PRPF40B: variants seen among roughly 807,000 people sequenced by gnomAD.
The protein encoded by PRPF40B is pre-mRNA-processing factor 40 homolog B.
A neutral mutation model predicts 124.5 loss-of-function variants in PRPF40B; 56 were observed. The observed-to-expected ratio is 0.45, with a 90% CI of 0.36 to 0.56. PRPF40B has a LOEUF of 0.56. PRPF40B is among the 20% of genes least tolerant of loss of function. The pLI, the probability that PRPF40B is intolerant of heterozygous loss-of-function variation, is 0.00. For synonymous variants in PRPF40B, 443 were observed against 426.4 expected (o/e 1.04, Z -0.48); for missense variants, 1,053 against 1,169.5 (o/e 0.90, Z 1.45).
intron 18 of PRPF40B, chr12:49,640,673 T>C (rs1592613185): frequency 1.3e-5 from 2 of 152,216 alleles, no homozygotes; most frequent in South Asian, 4.1e-4. Flanking sequence ...TCAGGGATAA[T>C]TCATAGGTAA....
In PRPF40B at chr12:49,642,847, G is replaced by C; in HGVS notation, c.2119-83G>C. 2.0e-6 allele frequency: 3 copies of C among 1,499,478 alleles called. No individual in the cohort carries two copies. The South Asian group carries it at 3.6e-5, about 18-fold the overall frequency. The allele number at this position is 1,499,478 out of a possible 1,614,324, so 92.9% of individuals were successfully genotyped here. On this transcript the variant is annotated intron_variant, in intron 21 of 25. Coordinates refer to ENST00000548825, the MANE Select transcript of PRPF40B (RefSeq NM_001031698.3). This position sits in a 1 kb window ranked among gnomAD's most constrained non-coding sequence, Gnocchi z 5.8. ...GAAGGCTCTAGTCTGAGAAAGGGAG[G>C]CAAAGCCAGATTTTAGGAAGTAGGA...
chr12:49,644,128 T>G lies in PRPF40B; in HGVS notation c.2615T>G (p.Leu872Arg). 6.2e-7 allele frequency: 1 copy of G among 1,614,070 alleles called. No homozygotes were observed. The highest frequency in any genetic ancestry group is 1.1e-5 in the South Asian group (1 of 91,078). The change falls in exon 26 of 26, where the codon CTG becomes CGG. Residue 872 changes from leucine to arginine, a missense_variant. Physicochemically the swap from Leu to Arg is moderately radical, Grantham distance 102 (BLOSUM62 -2). Coordinates refer to ENST00000548825, the MANE Select transcript of PRPF40B (RefSeq NM_001031698.3). ...GGCTGGGACACGTCAGAAAGTGAGCTGAGTGAGGGTGAGCTGGAGAGGCGG... is the reference window on the plus strand; with the variant it reads ...GGCTGGGACACGTCAGAAAGTGAGCGGAGTGAGGGTGAGCTGGAGAGGCGG... ...KTGWDTSESE[L>R]SEGELERRRR...
chr12:49,643,920 A>G lies in PRPF40B; in HGVS notation c.2502A>G (p.Lys834=). The G allele has an allele frequency of 4.3e-6, 7 of 1,614,252 alleles. No individual in the cohort carries two copies. The highest frequency in any genetic ancestry group is 5.9e-6 in the Non-Finnish European group (7 of 1,180,046). ...EEKAGKESDE[K]EQEQDKDREL... is the part of the protein sequence containing the mutation. ...AAGCTGGCAAGGAGAGCGATGAGAA[A>G]GAACAAGAACAGGACAAGGACAGGG... Residue 834 remains lysine (K), a synonymous_variant, in exon 25 of 26, where the codon AAA becomes AAG. Transcript: ENST00000548825.
chr12:49,632,577 C>T lies in PRPF40B; in HGVS notation c.295-19C>T. 6.2e-7 allele frequency: 1 copy of T among 1,613,372 alleles called. No individual in the cohort carries two copies. The highest frequency in any genetic ancestry group is 8.5e-7 in the Non-Finnish European group (1 of 1,179,804). On this transcript the variant is annotated intron_variant, in intron 4 of 25. Transcript: ENST00000548825. Reference sequence around the variant, plus strand: ...ACTGGGCTTGGCCCCAACCCTTCCCCCTCCTCTTTCTTCGGCAGACGGCTC... The same window carrying T: ...ACTGGGCTTGGCCCCAACCCTTCCCTCTCCTCTTTCTTCGGCAGACGGCTC...
chr12:49,644,459 TAA>T lies in PRPF40B; in HGVS notation c.*270_*271del, dbSNP rs995081579. 12 of 466,512 alleles carry T rather than the reference TAA, an allele frequency of 2.6e-5. No individual in the cohort carries two copies. Among genetic ancestry groups the T allele is most frequent in the Non-Finnish European group, 4.4e-5 (11 of 251,220 alleles). The allele number at this position is 466,512 out of a possible 1,614,324, so 28.9% of individuals were successfully genotyped here. A position where few individuals can be genotyped will look rare whatever the true frequency, so the allele number is the denominator to read the frequency against. On this transcript the variant is annotated 3_prime_UTR_variant, in exon 26 of 26. Transcript: ENST00000548825. ...ATGTGGGGTGGGTGATGCCAGTAGATAAAAGTGTGAGAGAAGGGGTCTCCAGG... is the reference window on the plus strand; with the variant it reads ...ATGTGGGGTGGGTGATGCCAGTAGATAAGTGTGAGAGAAGGGGTCTCCAGG...
Position 49,624,093 on chromosome 12 carries a change from G to A in PRPF40B, c.3+500G>A, listed in dbSNP as rs191583925. 3.0e-5 allele frequency: 30 copies of A among 986,896 alleles called. No homozygotes were observed. The African/African-American group carries it at 4.9e-4, about 16-fold the overall frequency. The allele number at this position is 986,896 out of a possible 1,614,324, so 61.1% of individuals were successfully genotyped here. ...CTGCATTTGCAAGAGCTTGTCTCCT[G>A]AGGTGGAGAGGGGGCCTCTGAAGAA... is the stretch of plus-strand genomic sequence containing the variant. On this transcript the variant is annotated intron_variant, in intron 1 of 25. Coordinates refer to ENST00000548825, the MANE Select transcript of PRPF40B (RefSeq NM_001031698.3).
Position 49,630,634 on chromosome 12 carries a change from T to A in PRPF40B, c.84+9T>A. The A allele has an allele frequency of 7.7e-7, 1 of 1,296,210 alleles. No homozygotes were observed. The highest frequency in any genetic ancestry group is 1.1e-6 in the Non-Finnish European group (1 of 892,068). 80.3% of individuals were successfully genotyped at this position (1,296,210 alleles called of 1,614,324 possible). A position where few individuals can be genotyped will look rare whatever the true frequency, so the allele number is the denominator to read the frequency against. On this transcript the variant is annotated intron_variant, in intron 2 of 25. Transcript: ENST00000548825. ...TGATGCCACCACCCTTCGTAAGTTT[T>A]ATGTCTTTCCCTGGGCTTGGCTTTT...
In PRPF40B at chr12:49,635,104, T is replaced by C. The variant is rs763399005; in HGVS notation, c.1007T>C (p.Leu336Ser). 4 of 1,612,244 alleles carry C rather than the reference T, an allele frequency of 2.5e-6. No individual in the cohort carries two copies. In the Admixed American group the frequency reaches 6.7e-5, roughly 27 times the overall value. ...MVVTDPRYSA[L>S]PKLSEKKQAF... ...ACTCCTACCCTCTATCCCAGTGCCTTGCCTAAACTGAGTGAGAAAAAGCAG... is the reference window on the plus strand; with the variant it reads ...ACTCCTACCCTCTATCCCAGTGCCTCGCCTAAACTGAGTGAGAAAAAGCAG... The change falls in exon 13 of 26, where the codon TTG becomes TCG. Residue 336 changes from leucine to serine, a missense_variant. Around this residue, in one of 2 missense-constraint regions of PRPF40B, gnomAD observed 895 missense variants for 1,052.2 expected, o/e 0.85. Transcript: ENST00000548825. This position sits in a 1 kb window ranked among gnomAD's most constrained non-coding sequence, Gnocchi z 4.1.
chr12:49,624,968 G>A (rs1396757580), intron 1 of PRPF40B, among the ~76,000 whole-genome samples: 2 of 152,188 alleles, frequency 1.3e-5, no homozygotes, highest in South Asian at 2.1e-4. Flanking sequence ...AAACGGAAGG[G>A]CAGGTGCTGT....
intron 7 of PRPF40B, 147 bp downstream of exon 7, chr12:49,633,271 C>G (rs1759701655): frequency 7.8e-7 from 1 of 1,277,586 alleles, no homozygotes; most frequent in African/African-American, 1.5e-5. Flanking sequence ...GAAATGCCTC[C>G]ATAGGATCTC....
rs376996934 is a variant in PRPF40B, at chr12:49,632,582, T to C, written c.295-14T>C. Reference sequence around the variant, plus strand: ...GCTTGGCCCCAACCCTTCCCCCTCCTCTTTCTTCGGCAGACGGCTCCGGGT... The same window carrying C: ...GCTTGGCCCCAACCCTTCCCCCTCCCCTTTCTTCGGCAGACGGCTCCGGGT... On this transcript the variant is annotated splice_polypyrimidine_tract_variant and intron_variant, in intron 4 of 25. Transcript: ENST00000548825. 1 of 1,613,400 alleles carries C rather than the reference T, an allele frequency of 6.2e-7. No individual in the cohort carries two copies. Among genetic ancestry groups the C allele is most frequent in the Non-Finnish European group, 8.5e-7 (1 of 1,179,856 alleles).
Position 49,642,529 on chromosome 12 carries a change from G to T in PRPF40B, c.2023-51G>T, listed in dbSNP as rs1942810887. On this transcript the variant is annotated intron_variant, in intron 20 of 25. Coordinates refer to ENST00000548825, the MANE Select transcript of PRPF40B (RefSeq NM_001031698.3). The surrounding 1 kb of genome is among the most constrained non-coding windows in gnomAD (Gnocchi z 5.8). Reference sequence around the variant, plus strand: ...TGCCCTGTGCTCATGGCGGTGTCCAGGCCAGGCTGAGTGGGGCCTAGTCTG... The same window carrying T: ...TGCCCTGTGCTCATGGCGGTGTCCATGCCAGGCTGAGTGGGGCCTAGTCTG... 1.2e-6 allele frequency: 2 copies of T among 1,606,048 alleles called. No homozygotes were observed. The highest frequency in any genetic ancestry group is 3.3e-5 in the Admixed American group (2 of 59,792).
In PRPF40B at chr12:49,642,685, G is replaced by C. The variant is rs200319664; in HGVS notation, c.2118+10G>C. ...CCTACAGGTGCTGGAGGTGAGGCAG[G>C]CTTGTCCTCTGGATCTGCCTCAGGC... On this transcript the variant is annotated intron_variant, in intron 21 of 25. Transcript: ENST00000548825. The surrounding 1 kb of genome is among the most constrained non-coding windows in gnomAD (Gnocchi z 5.8). 55 of 1,612,756 alleles carry C rather than the reference G, an allele frequency of 3.4e-5. No individual in the cohort carries two copies. The East Asian group carries it at 1.0e-3, about 29-fold the overall frequency.
chr12:49,632,601 T>C lies in PRPF40B; in HGVS notation c.300T>C (p.Ala100=). The C allele has an allele frequency of 6.2e-7, 1 of 1,613,712 alleles. No individual in the cohort carries two copies. Among genetic ancestry groups the C allele is most frequent in the Non-Finnish European group, 8.5e-7 (1 of 1,179,894 alleles). Residue 100 remains alanine (A), a synonymous_variant, in exon 5 of 26, where the codon GCT becomes GCC. Transcript: ENST00000548825. ...CCCTCCTCTTTCTTCGGCAGACGGC[T>C]CCGGGTGCGGACACCGCCAGCTGTG... is the stretch of plus-strand genomic sequence containing the variant. ...MPAVPVTAAT[A]PGADTASSAV...
Position 49,631,371 on chromosome 12 carries a change from C to T in PRPF40B, c.85-30C>T. ...CTCTGACAAGGCGATGTCTTCCCTG[C>T]TCAGTATCTCTTCCTTTACTCATTT... is the stretch of plus-strand genomic sequence containing the variant. On this transcript the variant is annotated intron_variant, in intron 2 of 25. Transcript: ENST00000548825. The surrounding 1 kb of genome is among the most constrained non-coding windows in gnomAD (Gnocchi z 4.3). The T allele has an allele frequency of 2.0e-6, 3 of 1,487,804 alleles. No homozygotes were observed. Among genetic ancestry groups the T allele is most frequent in the Non-Finnish European group, 2.7e-6 (3 of 1,118,084 alleles). The allele number at this position is 1,487,804 out of a possible 1,614,324, so 92.2% of individuals were successfully genotyped here.
chr12:49,643,124 C>T, intron 22 of PRPF40B, 99 bp from the exon 23 acceptor site: 2 of 1,584,926 alleles, frequency 1.3e-6, no homozygotes, highest in African/African-American at 2.7e-5. Context: ...TTTGAGGATT[C>T]CTTTGGCCCT....
At position 49,633,086 on chromosome 12, in the gene PRPF40B, G is replaced by A. The variant is rs140043890; in HGVS notation, c.421G>A (p.Val141Met). ...YYYNADDKQSVWEKPSVLKSK... is the reference protein window; with the variant it reads ...YYYNADDKQSMWEKPSVLKSK... ...CTACAATGCTGACGACAAGCAGTCC[G>A]TGTGGGAGAAGCCCAGCGTGCTCAA... Residue 141 changes from valine to methionine, a missense_variant, in exon 7 of 26, where the codon GTG (valine) becomes ATG (methionine). Val to Met is a conservative substitution (Grantham distance 21). This residue lies in a region of PRPF40B where 895 missense variants were observed against 1,052.2 expected (regional missense o/e 0.85). Transcript: ENST00000548825. 20 of 1,574,206 alleles carry A rather than the reference G, an allele frequency of 1.3e-5. No individual in the cohort carries two copies. The highest frequency in any genetic ancestry group is 7.1e-5 in the Admixed American group (4 of 55,956).
rs1239618164 is a variant in PRPF40B at position 49,630,589 on chromosome 12, C to T, written c.48C>T (p.Pro16=). 9 of 1,409,064 alleles carry T rather than the reference C, an allele frequency of 6.4e-6. No homozygotes were observed. Among genetic ancestry groups the T allele is most frequent in the Non-Finnish European group, 8.0e-6 (8 of 996,560 alleles). The allele number at this position is 1,409,064 out of a possible 1,614,324, so 87.3% of individuals were successfully genotyped here. The change falls in exon 2 of 26, where the codon CCC becomes CCT. Residue 16 remains proline (P), a synonymous_variant. Coordinates refer to ENST00000548825, the MANE Select transcript of PRPF40B (RefSeq NM_001031698.3). ...CCCGGCCCCCAGCAGCGCCTGCCCC[C>T]TTCCCACCGGGGCCCCCCATGATGC... ...SGPRPPAAPA[P]FPPGPPMMPP...
chr12:49,626,312 T>C (rs1940708600), intron 1 of PRPF40B, among the ~76,000 whole-genome samples: 1 of 152,076 alleles, frequency 6.6e-6, no homozygotes, highest in Non-Finnish European at 1.5e-5. Context: ...GGGGGAGGTA[T>C]AAAAGGAGAA....
Sources: allele counts gnomAD v4.1 joint callset (sites outside exome capture counted in the v4.1 genomes callset), GRCh38; gene constraint gnomAD v4.1.1; regional missense constraint gnomAD v4.1.1; non-coding constraint Gnocchi (gnomAD v3.1); transcripts MANE v1.5; gene names NCBI Gene and HGNC (gene_info 2026-07-23, HGNC 2026-07-21).